CCSER1: variants seen among roughly 807,000 people sequenced by gnomAD.
CCSER1 encodes coiled-coil serine rich protein 1.
A neutral mutation model predicts 82.0 loss-of-function variants in CCSER1; 41 were observed. That is an observed-to-expected ratio of 0.50 (90% CI 0.39 to 0.65). The LOEUF is 0.65. Ranked by LOEUF, CCSER1 falls within the 30% of genes least tolerant of loss-of-function variation. The pLI, the probability that CCSER1 is intolerant of heterozygous loss-of-function variation, is 0.00. For missense variants in CCSER1, 1,119 were observed against 1,064.2 expected (o/e 1.05, Z -0.72); for synonymous variants, 414 against 383.9 (o/e 1.08, Z -0.92).
intron 10 of CCSER1, among the ~76,000 whole-genome samples, chr4:91,190,305 G>C (rs567396602): frequency 1.3e-5 from 2 of 152,292 alleles, no homozygotes; most frequent in South Asian, 4.1e-4. Flanking sequence ...AGTTACCCCA[G>C]AGAATCTAGC....
At chr4:90,327,389 T>C (rs1738415927) in intron 3 of CCSER1, among the ~76,000 whole-genome samples, 1 of 152,232 alleles carries the variant, frequency 6.6e-6, no homozygotes. Context: ...ACTCCATCAG[T>C]ATGTTTCTTC....
intron 1 of CCSER1, among the ~76,000 whole-genome samples, chr4:90,136,066 C>T (rs1723645062): frequency 6.6e-6 from 1 of 152,212 alleles, no homozygotes; most frequent in Admixed American, 6.5e-5. Context: ...CAGTCTCCTT[C>T]ATAACCTTAT....
intron 6 of CCSER1, among the ~76,000 whole-genome samples, chr4:90,687,717 A>G (rs1735073457): frequency 6.6e-6 from 1 of 152,108 alleles, no homozygotes; most frequent in African/African-American, 2.4e-5. Context: ...CTCAGACAGC[A>G]TTCAAACCAT....
intron 8 of CCSER1, among the ~76,000 whole-genome samples, chr4:90,904,670 G>C (rs1040610977): frequency 1.3e-5 from 2 of 151,950 alleles, no homozygotes; most frequent in African/African-American, 4.8e-5. Flanking sequence ...AATAAGGGGG[G>C]GCCTGGTCAG....
chr4:91,355,972 A>G (rs1044482260), intron 10 of CCSER1, among the ~76,000 whole-genome samples: 3 of 152,222 alleles, frequency 2.0e-5, no homozygotes, highest in African/African-American at 7.2e-5. Flanking sequence ...AAGCTTTGGT[A>G]TCTAGTTAGT....
At position 90,164,217 on chromosome 4, in the gene CCSER1, CA is replaced by C. The variant is rs1730017748; in HGVS notation, c.-42+36387del. Among the ~76,000 whole-genome samples the C allele has an allele frequency of 2.0e-5, 3 of 151,280 alleles. No homozygotes were observed. In the South Asian group the frequency reaches 6.3e-4, roughly 32 times the overall value. On this transcript the variant is annotated intron_variant, in intron 1 of 10. Coordinates refer to ENST00000509176, the MANE Select transcript of CCSER1 (RefSeq NM_001145065.2). ...ATTTAATAAGGGTTTTTTTTCAAAT[CA>C]TTAAGGAAAATAATAGCTACAATTT...
In CCSER1 at chr4:90,833,628, G is replaced by C. The variant is rs565244325; in HGVS notation, c.2094+17783G>C. ...AGAACCAGTGTATAAAATGGTTCAT[G>C]ACCCACTAGCACTCAAATATTTAAT... is the stretch of plus-strand genomic sequence containing the variant. On this transcript the variant is annotated intron_variant, in intron 8 of 10. Transcript: ENST00000509176. Among the ~76,000 whole-genome samples the C allele has an allele frequency of 2.6e-5, 4 of 152,286 alleles. No individual in the cohort carries two copies. In the South Asian group the frequency reaches 8.3e-4, roughly 32 times the overall value.
At chr4:90,570,526 G>T (rs1470749284) in intron 5 of CCSER1, among the ~76,000 whole-genome samples, 4 of 152,124 alleles carry the variant, frequency 2.6e-5, no homozygotes, top group Non-Finnish European at 5.9e-5. Flanking sequence ...GGCAAGCACA[G>T]GGGACTGATG....
chr4:90,715,037 A>G (rs1336037076), intron 6 of CCSER1, among the ~76,000 whole-genome samples: 1 of 152,020 alleles, frequency 6.6e-6, no homozygotes, highest in African/African-American at 2.4e-5. Context: ...ACTTGATGTT[A>G]GCATCTTTTG....
At chr4:90,219,436 T>G (rs1741715911) in intron 1 of CCSER1, among the ~76,000 whole-genome samples, 1 of 152,130 alleles carries the variant, frequency 6.6e-6, no homozygotes. Context: ...TCTTGAACGG[T>G]GTCAGGGCTT....
chr4:91,452,951 C>G (rs1266408829), intron 10 of CCSER1, among the ~76,000 whole-genome samples: 1 of 152,004 alleles, frequency 6.6e-6, no homozygotes, highest in East Asian at 1.9e-4. Flanking sequence ...TTCAAATAAT[C>G]CTCAAGACTT....
chr4:91,109,228 G>A (rs142647067), intron 10 of CCSER1, among the ~76,000 whole-genome samples: 73 of 152,234 alleles, frequency 4.8e-4, no homozygotes, highest in African/African-American at 1.8e-3. Flanking sequence ...AGACAGACTA[G>A]CAAGGGTCTT....
chr4:90,900,094 G>GTTTTTTTTTTTTTTTTTTTTT (rs70963096), intron 8 of CCSER1, among the ~76,000 whole-genome samples: 11 of 102,154 alleles, frequency 1.1e-4, no homozygotes, highest in African/African-American at 3.4e-4. Context: ...TGGTCCCAGA[G>GTTTTTTTTTTTTTTTTTTTTT]TTTTTTTTTT....
chr4:90,246,987 AG>A lies in CCSER1; in HGVS notation c.-41-61255del, dbSNP rs1721520067. ...CGGGGGCCATTATTAAGTAAAAAAA[AG>A]GTTCTTTGAACACAAGCACAGTTGA... On this transcript the variant is annotated intron_variant, in intron 1 of 10. Coordinates refer to ENST00000509176, the MANE Select transcript of CCSER1 (RefSeq NM_001145065.2). Among the ~76,000 whole-genome samples, 3 of 152,074 alleles carry A rather than the reference AG, an allele frequency of 2.0e-5. No individual in the cohort carries two copies. The South Asian group carries it at 6.2e-4, about 31-fold the overall frequency.
rs1022135195 is a variant in CCSER1 at position 91,594,441 on chromosome 4, A to G, written c.2218-4131A>G. Among the ~76,000 whole-genome samples the G allele has an allele frequency of 4.0e-5, 6 of 148,532 alleles. No individual in the cohort carries two copies. The Admixed American group carries it at 4.1e-4, about 10-fold the overall frequency. Reference sequence around the variant, plus strand: ...TATATACATATATACATATACACACATATATACATATATATACACACATAT... The same window carrying G: ...TATATACATATATACATATACACACGTATATACATATATATACACACATAT... On this transcript the variant is annotated intron_variant, in intron 10 of 10. Transcript: ENST00000509176.
intron 9 of CCSER1, among the ~76,000 whole-genome samples, chr4:90,952,495 C>G (rs1396854971): frequency 6.6e-6 from 1 of 151,990 alleles, no homozygotes; most frequent in Non-Finnish European, 1.5e-5. Flanking sequence ...AAACCCTGCT[C>G]TAGGTGGTCA....
At chr4:90,181,010 A>G (rs537124620) in intron 1 of CCSER1, among the ~76,000 whole-genome samples, 1 of 152,284 alleles carries the variant, frequency 6.6e-6, no homozygotes, top group African/African-American at 2.4e-5. Flanking sequence ...GCATAACAGT[A>G]ATCTTTACTT....
rs761834835 is a variant in CCSER1 at position 90,468,262 on chromosome 4, C to A, written c.1632C>A (p.Val544=). The stretch of plus-strand genomic sequence containing the variant: ...GCCGGGAGGACTCATATCACTCTGT[C>A]GTCTCATGTGCCGCAGTAGTTCTTA... ...SVCREDSYHS[V]VSCAAVVLTP... is the part of the protein sequence containing the mutation. Residue 544 remains valine, a synonymous_variant, in exon 5 of 11, where the codon GTC becomes GTA. Transcript: ENST00000509176. 6.2e-7 allele frequency: 1 copy of A among 1,607,012 alleles called. No individual in the cohort carries two copies.
chr4:91,382,905 C>T (rs943434638), intron 10 of CCSER1, among the ~76,000 whole-genome samples: 1 of 152,136 alleles, frequency 6.6e-6, no homozygotes, highest in African/African-American at 2.4e-5. Flanking sequence ...GCAGCAACCA[C>T]AGCCCTGATT....
Sources: gnomAD v4.1 joint callset for allele counts (sites outside exome capture counted in the v4.1 genomes callset) on GRCh38, gnomAD v4.1.1 for gene constraint, MANE v1.5 for transcripts, NCBI Gene and HGNC (gene_info 2026-07-23, HGNC 2026-07-21) for gene names.